Variants in SSH2 observed in about 807,000 individuals in gnomAD.
SSH2 encodes the protein protein phosphatase Slingshot homolog 2.
SSH2 carries 37 observed loss-of-function variants against 135.2 expected under a neutral mutation model. That is an observed-to-expected ratio of 0.27 (90% CI 0.21 to 0.36). The LOEUF (loss-of-function observed/expected upper bound fraction) is 0.36, where lower values mean the gene tolerates loss of function less well. SSH2 is among the 10% of genes least tolerant of loss of function. SSH2 has a pLI of 1.00. For synonymous variants in SSH2, 628 were observed against 646.2 expected, an observed-to-expected ratio of 0.97 and a Z score of 0.43; for missense variants, 1,408 against 1,765.3, an observed-to-expected ratio of 0.80 and a Z score of 3.63.
At chr17:29,783,318 TTA>T (rs372884691) in intron 3 of SSH2, among the ~76,000 whole-genome samples, 1,547 of 142,084 alleles carry the variant, frequency 0.011, 12 homozygotes, top group African/African-American at 0.028. Context: ...ATAACATATA[TTA>T]TATATATATA....
At chr17:29,841,148 G>A (rs2043034833) in intron 2 of SSH2, among the ~76,000 whole-genome samples, 1 of 152,194 alleles carries the variant, frequency 6.6e-6, no homozygotes, top group Admixed American at 6.5e-5. Context: ...GGGGGAAATA[G>A]TACTGAGGAG....
intron 11 of SSH2, among the ~76,000 whole-genome samples, chr17:29,655,825 A>G (rs1436918558): frequency 6.6e-6 from 1 of 152,172 alleles, no homozygotes; most frequent in African/African-American, 2.4e-5. Flanking sequence ...ACAAAAACCA[A>G]CTCATAGAAT....
At chr17:29,903,263 TATA>T (rs1156413710) in intron 1 of SSH2, among the ~76,000 whole-genome samples, 4 of 147,976 alleles carry the variant, frequency 2.7e-5, no homozygotes, top group Non-Finnish European at 6.0e-5. Flanking sequence ...ATATTTAAAA[TATA>T]ATTTCAAAAT....
At chr17:29,824,805 C>T (rs1343101922) in intron 2 of SSH2, among the ~76,000 whole-genome samples, 1 of 152,160 alleles carries the variant, frequency 6.6e-6, no homozygotes, top group Non-Finnish European at 1.5e-5. Context: ...TTTTTGCCTG[C>T]CCCATCAATT....
intron 1 of SSH2, among the ~76,000 whole-genome samples, chr17:29,869,547 T>C (rs1378138579): frequency 6.6e-6 from 1 of 151,988 alleles, no homozygotes. Flanking sequence ...TAGCCCTAAC[T>C]AACAAAAGCA....
chr17:29,715,670 G>C, intron 3 of SSH2, among the ~76,000 whole-genome samples: 1 of 152,112 alleles, frequency 6.6e-6, no homozygotes, highest in East Asian at 1.9e-4. Context: ...TTACATGTCT[G>C]AGCAGTAACT....
At chr17:29,816,301 G>A (rs1231019065) in intron 2 of SSH2, among the ~76,000 whole-genome samples, 2 of 152,154 alleles carry the variant, frequency 1.3e-5, no homozygotes, top group South Asian at 4.1e-4. Context: ...AACAGATATA[G>A]AGGTAGATCT....
chr17:29,707,024 G>C (rs1345620927), intron 3 of SSH2: 1 of 152,206 alleles, frequency 6.6e-6, no homozygotes, highest in African/African-American at 2.4e-5. Flanking sequence ...CGTGGTGGCG[G>C]GCGCTTGTAG....
chr17:29,899,494 C>G (rs550678121), intron 1 of SSH2, among the ~76,000 whole-genome samples: 15 of 152,082 alleles, frequency 9.9e-5, no homozygotes, highest in African/African-American at 3.1e-4. Context: ...AACAGACAAA[C>G]AGAGAGCCAA....
intron 1 of SSH2, among the ~76,000 whole-genome samples, chr17:29,868,847 A>T (rs2065897827): frequency 6.6e-6 from 1 of 152,152 alleles, no homozygotes; most frequent in Admixed American, 6.5e-5. Flanking sequence ...ATGGGGAGAA[A>T]AATTGGCAGA....
At chr17:29,911,267 G>C (rs1347842082) in intron 1 of SSH2, among the ~76,000 whole-genome samples, 1 of 123,846 alleles carries the variant, frequency 8.1e-6, no homozygotes, top group African/African-American at 2.7e-5. Flanking sequence ...AAGTAAGCAT[G>C]AGATGGAAGA....
intron 3 of SSH2, among the ~76,000 whole-genome samples, chr17:29,706,504 A>G (rs2039205703): frequency 6.6e-6 from 1 of 152,200 alleles, no homozygotes; most frequent in East Asian, 1.9e-4. Context: ...TGGTGTTCAC[A>G]TGCCACCCTA....
At chr17:29,796,952 A>G (rs1486269090) in intron 2 of SSH2, among the ~76,000 whole-genome samples, 9 of 151,998 alleles carry the variant, frequency 5.9e-5, no homozygotes, top group Admixed American at 3.9e-4. Context: ...AGCTAGGACT[A>G]CAGATGCACA....
chr17:29,760,243 G>A (rs138251167), intron 3 of SSH2, among the ~76,000 whole-genome samples: 1 of 152,276 alleles, frequency 6.6e-6, no homozygotes, highest in African/African-American at 2.4e-5. Context: ...AAGTTGACCT[G>A]GGAGGGAGAC....
At chr17:29,731,019 C>T (rs2040171258) in intron 3 of SSH2, among the ~76,000 whole-genome samples, 1 of 152,130 alleles carries the variant, frequency 6.6e-6, no homozygotes, top group African/African-American at 2.4e-5. Flanking sequence ...AGAGGCAGTA[C>T]ACAGTAGGTA....
intron 3 of SSH2, among the ~76,000 whole-genome samples, chr17:29,733,775 G>A (rs1409483281): frequency 6.6e-6 from 1 of 151,824 alleles, no homozygotes; most frequent in Non-Finnish European, 1.5e-5. Context: ...TGTTTCTTCT[G>A]TATTAAAAAC....
intron 2 of SSH2, among the ~76,000 whole-genome samples, chr17:29,844,299 A>C (rs577560394): frequency 6.6e-6 from 1 of 152,306 alleles, no homozygotes; most frequent in East Asian, 1.9e-4. Context: ...AAATGAGATA[A>C]ATAAGTTTTA....
chr17:29,923,633 A>T (rs1036636094), intron 1 of SSH2, among the ~76,000 whole-genome samples: 4 of 151,550 alleles, frequency 2.6e-5, no homozygotes, highest in African/African-American at 9.7e-5. Flanking sequence ...AAAAAAAAAA[A>T]TCCGGGGGCA....
rs1431048399 is a variant in SSH2 at position 29,930,215 on chromosome 17, C to G, written c.-215G>C. 1 of 557,326 alleles carries G rather than the reference C, an allele frequency of 1.8e-6. No individual in the cohort carries two copies. Among genetic ancestry groups the G allele is most frequent in the Non-Finnish European group, 3.2e-6 (1 of 315,580 alleles). The allele number at this position is 557,326 out of a possible 1,614,324, so 34.5% of individuals were successfully genotyped here. A position where few individuals can be genotyped will look rare whatever the true frequency, so the allele number is the denominator to read the frequency against. ...GGGCGGCGGGCGGGCGGTTCCGCAG[C>G]TGCGGGGCACAATGAGCGCTCCCAG... On this transcript the variant is annotated 5_prime_UTR_variant, in exon 1 of 16. Transcript: ENST00000540801.
Sources: gnomAD v4.1 joint callset for allele counts (sites outside exome capture counted in the v4.1 genomes callset) on GRCh38, gnomAD v4.1.1 for gene constraint, MANE v1.5 for transcripts, NCBI Gene and HGNC (gene_info 2026-07-23, HGNC 2026-07-21) for gene names.